LRRC4C: variants seen among roughly 807,000 people sequenced by gnomAD.
LRRC4C encodes the protein leucine-rich repeat-containing protein 4C.
In LRRC4C, 5 loss-of-function variants were observed where a neutral mutation model predicts 33.6. That is an observed-to-expected ratio of 0.15 (90% CI 0.08 to 0.31). The LOEUF (loss-of-function observed/expected upper bound fraction) is 0.31, where lower values mean the gene tolerates loss of function less well. Among genes scored for constraint, LRRC4C ranks in the 10% least tolerant of loss-of-function variants. The pLI is 1.00. For synonymous variants in LRRC4C, 329 were observed against 302.0 expected (o/e 1.09, Z -0.93); for missense variants, 560 against 796.7 (o/e 0.70, Z 3.58).
chr11:40,600,946 T>C (rs1211477027), intron 3 of LRRC4C, among the ~76,000 whole-genome samples: 12 of 152,218 alleles, frequency 7.9e-5, no homozygotes, highest in Non-Finnish European at 1.0e-4. Context: ...TAGTGTCTTG[T>C]GTAGAAAGGC....
At chr11:40,177,110 T>C (rs1286339538) in intron 5 of LRRC4C, among the ~76,000 whole-genome samples, 4 of 151,742 alleles carry the variant, frequency 2.6e-5, no homozygotes, top group African/African-American at 7.3e-5. Context: ...CCCGCCACCA[T>C]GTCCAGCTAA....
At chr11:40,159,205 GT>G (rs1858958352) in intron 5 of LRRC4C, among the ~76,000 whole-genome samples, 1 of 152,148 alleles carries the variant, frequency 6.6e-6, no homozygotes, top group East Asian at 1.9e-4. Context: ...CAGGACAGAA[GT>G]TTCAGATGGC....
intron 3 of LRRC4C, among the ~76,000 whole-genome samples, chr11:40,629,888 T>A (rs1963303764): frequency 1.3e-5 from 2 of 152,154 alleles, no homozygotes; most frequent in South Asian, 4.1e-4. Context: ...CAGATAGATA[T>A]AGATACAGAG....
intron 1 of LRRC4C, among the ~76,000 whole-genome samples, chr11:41,374,272 T>G: frequency 6.6e-6 from 1 of 152,184 alleles, no homozygotes. Context: ...CCAAGTACAC[T>G]GAAATTATCA....
chr11:40,832,226 A>C (rs926084138), intron 2 of LRRC4C, among the ~76,000 whole-genome samples: 1 of 152,090 alleles, frequency 6.6e-6, no homozygotes, highest in Non-Finnish European at 1.5e-5. Context: ...ATATCTAAAC[A>C]AAAAAAGATA....
chr11:41,276,324 C>G (rs995541273), intron 1 of LRRC4C, among the ~76,000 whole-genome samples: 2 of 152,034 alleles, frequency 1.3e-5, no homozygotes, highest in Non-Finnish European at 2.9e-5. Context: ...GGACAGCCAG[C>G]CTGTGTTTTA....
In LRRC4C at chr11:40,696,439, CAT is replaced by C. The variant is rs1034313858; in HGVS notation, c.-406-48163_-406-48162del. Reference sequence around the variant, plus strand: ...ATATATGCTGGAGGTTATATATATACATATATATATTGCTGAAGGTAATAGCA... The same window carrying C: ...ATATATGCTGGAGGTTATATATATACATATATATTGCTGAAGGTAATAGCA... On this transcript the variant is annotated intron_variant, in intron 2 of 6. Coordinates refer to ENST00000528697, the MANE Select transcript of LRRC4C (RefSeq NM_001258419.2). Among the ~76,000 whole-genome samples the C allele has an allele frequency of 3.4e-5, 5 of 146,328 alleles. No homozygotes were observed. In the East Asian group the frequency reaches 6.0e-4, roughly 18 times the overall value.
intron 2 of LRRC4C, among the ~76,000 whole-genome samples, chr11:40,922,089 C>T (rs1433315892): frequency 6.6e-6 from 1 of 152,066 alleles, no homozygotes; most frequent in African/African-American, 2.4e-5. Context: ...AGTAATTTTA[C>T]TCAGTTTAGG....
chr11:40,470,537 T>G (rs1952880858), intron 3 of LRRC4C, among the ~76,000 whole-genome samples: 1 of 152,146 alleles, frequency 6.6e-6, no homozygotes, highest in African/African-American at 2.4e-5. Context: ...AGAATGAGAT[T>G]GACGAATTGA....
At chr11:40,640,217 C>A (rs56099073) in intron 3 of LRRC4C, among the ~76,000 whole-genome samples, 20,148 of 152,078 alleles carry the variant, frequency 0.13, 1,552 homozygotes, top group Non-Finnish European at 0.18. Context: ...ATTTTATTAG[C>A]TTTTATATTT....
chr11:40,311,876 C>T (rs1005881528), intron 4 of LRRC4C, among the ~76,000 whole-genome samples: 8 of 138,874 alleles, frequency 5.8e-5, no homozygotes, highest in South Asian at 2.3e-4. Context: ...ACCTGGGTGG[C>T]GGAAGTTGCA....
chr11:41,130,296 T>C (rs1175315434), intron 1 of LRRC4C, among the ~76,000 whole-genome samples: 1 of 151,980 alleles, frequency 6.6e-6, no homozygotes, highest in Non-Finnish European at 1.5e-5. Flanking sequence ...TCATTCTGAG[T>C]GTCAATAATG....
chr11:40,431,528 A>G (rs537720205), intron 3 of LRRC4C, among the ~76,000 whole-genome samples: 1 of 151,682 alleles, frequency 6.6e-6, no homozygotes, highest in Non-Finnish European at 1.5e-5. Context: ...CTCTTTTCCC[A>G]TGCCTACCAC....
chr11:41,346,263 C>T (rs1425511360), intron 1 of LRRC4C, among the ~76,000 whole-genome samples: 2 of 152,194 alleles, frequency 1.3e-5, no homozygotes, highest in Admixed American at 6.5e-5. Context: ...AAACTGCTCA[C>T]CCTTTGGATG....
At chr11:40,286,445 C>T (rs1465099418) in intron 4 of LRRC4C, among the ~76,000 whole-genome samples, 2 of 152,080 alleles carry the variant, frequency 1.3e-5, no homozygotes, top group Non-Finnish European at 2.9e-5. Flanking sequence ...ATTAACTTTA[C>T]ATAAGTTTTT....
intron 3 of LRRC4C, among the ~76,000 whole-genome samples, chr11:40,612,995 T>A (rs1380758671): frequency 6.6e-6 from 1 of 151,956 alleles, no homozygotes; most frequent in Non-Finnish European, 1.5e-5. Flanking sequence ...AAATACTTTA[T>A]AGCTTAAAAA....
intron 1 of LRRC4C, among the ~76,000 whole-genome samples, chr11:41,222,324 C>T (rs904159862): frequency 6.6e-6 from 1 of 152,138 alleles, no homozygotes. Flanking sequence ...GCTGGAGACC[C>T]AGCAGGCTGA....
intron 3 of LRRC4C, among the ~76,000 whole-genome samples, chr11:40,330,021 G>A (rs1431681460): frequency 1.3e-5 from 2 of 152,218 alleles, no homozygotes; most frequent in South Asian, 2.1e-4. Flanking sequence ...GATTACAGGC[G>A]TGAGCCACCA....
intron 3 of LRRC4C, among the ~76,000 whole-genome samples, chr11:40,372,612 G>A (rs1348430665): frequency 6.6e-6 from 1 of 152,164 alleles, no homozygotes; most frequent in African/African-American, 2.4e-5. Context: ...ATTTGGTGGG[G>A]AGGGGGAGAC....
Sources: gnomAD v4.1 joint callset for allele counts (sites outside exome capture counted in the v4.1 genomes callset) on GRCh38, gnomAD v4.1.1 for gene constraint, MANE v1.5 for transcripts, NCBI Gene and HGNC (gene_info 2026-07-23, HGNC 2026-07-21) for gene names.